Variants in DNAH12 observed in about 807,000 individuals in gnomAD.
DNAH12 encodes dynein axonemal heavy chain 12.
In DNAH12, 285 loss-of-function variants were observed where a neutral mutation model predicts 371.5. That is an observed-to-expected ratio of 0.77 (90% CI 0.70 to 0.85). The LOEUF (loss-of-function observed/expected upper bound fraction) is 0.85. Among genes scored for constraint, DNAH12 ranks in the 40% least tolerant of loss-of-function variants. DNAH12 has a pLI of 0.00. For synonymous variants in DNAH12, 1,200 were observed against 1,213.0 expected (o/e 0.99, Z 0.22); for missense variants, 3,611 against 3,689.4 (o/e 0.98, Z 0.55).
chr3:57,314,392 G>T, intron 66 of DNAH12, 102 bp downstream of exon 66: 1 of 1,366,648 alleles, frequency 7.3e-7, no homozygotes, highest in Non-Finnish European at 1.0e-6. Flanking sequence ...CTACCCACCT[G>T]TTAGTGTTGG....
At chr3:57,432,102 A>G (rs1420346698) in intron 32 of DNAH12, among the ~76,000 whole-genome samples, 2 of 150,672 alleles carry the variant, frequency 1.3e-5, no homozygotes, top group Non-Finnish European at 3.0e-5. Context: ...CTCAACCAAT[A>G]TTACTGAATG....
chr3:57,520,845 T>C (rs1275208450), intron 4 of DNAH12, among the ~76,000 whole-genome samples: 1 of 152,070 alleles, frequency 6.6e-6, no homozygotes, highest in African/African-American at 2.4e-5. Flanking sequence ...TTCGTGAATA[T>C]TTTCTCCCAG....
At chr3:57,348,639 C>T (rs2062601556) in intron 60 of DNAH12, among the ~76,000 whole-genome samples, 1 of 151,960 alleles carries the variant, frequency 6.6e-6, no homozygotes, top group African/African-American at 2.4e-5. Flanking sequence ...TGAAATTGCT[C>T]TACAAAATAA....
intron 25 of DNAH12, among the ~76,000 whole-genome samples, chr3:57,452,161 T>C (rs947183360): frequency 5.9e-5 from 9 of 152,170 alleles, no homozygotes; most frequent in African/African-American, 1.9e-4. Flanking sequence ...CCGATACAGA[T>C]ATGCTCCACT....
At chr3:57,490,651 T>C (rs910967309) in intron 11 of DNAH12, among the ~76,000 whole-genome samples, 1 of 152,122 alleles carries the variant, frequency 6.6e-6, no homozygotes, top group Non-Finnish European at 1.5e-5. Context: ...TTCCTTCATG[T>C]TACTCTCTCT....
At chr3:57,311,373 G>A (rs2061580786) in intron 66 of DNAH12, among the ~76,000 whole-genome samples, 2 of 152,116 alleles carry the variant, frequency 1.3e-5, no homozygotes, top group African/African-American at 2.4e-5. Context: ...CACTGCAGCT[G>A]GCTGATAGTA....
chr3:57,403,027 TTA>T (rs2063917372), intron 43 of DNAH12, among the ~76,000 whole-genome samples: 1 of 152,188 alleles, frequency 6.6e-6, no homozygotes, highest in Non-Finnish European at 1.5e-5. Flanking sequence ...CCTTGCTCTG[TTA>T]TGTGTCACAT....
chr3:57,322,164 A>C (rs1325852548), intron 65 of DNAH12, among the ~76,000 whole-genome samples, 179 bp downstream of exon 65: 6 of 152,270 alleles, frequency 3.9e-5, no homozygotes, highest in Non-Finnish European at 7.3e-5. Flanking sequence ...AGTGGAACAC[A>C]AACTATATTG....
rs549967659 is a variant in DNAH12 at position 57,312,097 on chromosome 3, C to T, written c.10663-1147G>A. Among the ~76,000 whole-genome samples the T allele has an allele frequency of 7.9e-5, 12 of 152,142 alleles. No individual in the cohort carries two copies. In the East Asian group the frequency reaches 2.3e-3, roughly 29 times the overall value. On this transcript the variant is annotated intron_variant, in intron 66 of 73. Transcript: ENST00000495027. ...TATAAGTTGTGGGTTGAGAGCTTTT[C>T]CTGCCCCTGAAGTTTACTTAATTAT...
intron 43 of DNAH12, among the ~76,000 whole-genome samples, chr3:57,400,151 G>C (rs1317821266): frequency 6.6e-6 from 1 of 152,182 alleles, no homozygotes; most frequent in Non-Finnish European, 1.5e-5. Context: ...AGCTAAGCAT[G>C]GTGGTGTGCA....
chr3:57,333,329 C>CTTTTTTTTTTTTTTTTTTTTT lies in DNAH12; in HGVS notation c.9978+1135_9978+1136insAAAAAAAAAAAAAAAAAAAAA, dbSNP rs34135477. On this transcript the variant is annotated intron_variant, in intron 62 of 73. Transcript: ENST00000495027. ...CGGATACATGTTCTTTTTAAGGCAA[C>CTTTTTTTTTTTTTTTTTTTTT]TTTTTTTTTTTTTTTTTTTTAGATG... Among the ~76,000 whole-genome samples the CTTTTTTTTTTTTTTTTTTTTT allele has an allele frequency of 1.8e-4, 20 of 111,078 alleles. 2 individuals are homozygous for CTTTTTTTTTTTTTTTTTTTTT. The highest frequency in any genetic ancestry group is 8.7e-4 in the African/African-American group (19 of 21,912). The allele number at this position is 111,078 out of a possible 152,430, so 72.9% of individuals were successfully genotyped here.
intron 62 of DNAH12, among the ~76,000 whole-genome samples, chr3:57,324,707 C>T (rs1208684389): frequency 6.6e-6 from 1 of 152,346 alleles, no homozygotes; most frequent in East Asian, 1.9e-4. Context: ...TAGGGAGTGC[C>T]AGACAGTGGG....
rs2063633396 is a variant in DNAH12, at chr3:57,391,980, T to C, written c.7197A>G (p.Lys2399=). ...ALFAFFVNRC[K]DNLHVVVAFS... is the part of the protein sequence containing the mutation. ...AGGCCACCACGACATGAAGATTATC[T>C]TTGCAGCGATTCACAAAGAAAGCAA... Residue 2399 remains lysine (K), a synonymous_variant, in exon 45 of 74, where the codon AAA becomes AAG. Coordinates refer to ENST00000495027, the MANE Select transcript of DNAH12 (RefSeq NM_001366028.2). The C allele has an allele frequency of 6.6e-6, 1 of 152,268 alleles. No homozygotes were observed. The highest frequency in any genetic ancestry group is 1.5e-5 in the Non-Finnish European group (1 of 68,044). The allele number at this position is 152,268 out of a possible 1,614,324, so 9.4% of individuals were successfully genotyped here.
intron 8 of DNAH12, among the ~76,000 whole-genome samples, chr3:57,505,152 G>C (rs765118487): frequency 5.3e-5 from 8 of 152,122 alleles, no homozygotes; most frequent in Non-Finnish European, 1.0e-4. Context: ...GCCTCTCACA[G>C]TGCTGGGATT....
At chr3:57,412,990 G>A (rs782392023) in intron 39 of DNAH12, among the ~76,000 whole-genome samples, 1 of 152,156 alleles carries the variant, frequency 6.6e-6, no homozygotes, top group Non-Finnish European at 1.5e-5. Context: ...ATGCACAAAT[G>A]TTTATAGCAA....
chr3:57,432,660 AAC>A (rs2064992366), intron 32 of DNAH12, among the ~76,000 whole-genome samples: 2 of 152,204 alleles, frequency 1.3e-5, no homozygotes, highest in African/African-American at 4.8e-5. Context: ...ATTTAAAAAA[AAC>A]ACTGAAGAAT....
At chr3:57,414,524 A>G (rs9882120) in intron 38 of DNAH12, among the ~76,000 whole-genome samples, 3 of 151,818 alleles carry the variant, frequency 2.0e-5, no homozygotes, top group East Asian at 1.9e-4. Context: ...CAGTTTTTCA[A>G]TCCTCACCCT....
rs934121572 is a variant in DNAH12 at position 57,414,737 on chromosome 3, G to A, written c.5853+689C>T. 4.2e-5 allele frequency among the ~76,000 whole-genome samples: 6 copies of A among 141,360 alleles called. No individual in the cohort carries two copies. The East Asian group carries it at 1.4e-3, about 33-fold the overall frequency. 92.7% of individuals were successfully genotyped at this position (141,360 alleles called of 152,430 possible). On this transcript the variant is annotated intron_variant, in intron 38 of 73. Transcript: ENST00000495027. ...TACTTTGGGAACTCACTTGTCCATT[G>A]GAAAAATAAACCAAAATTATTTTCA...
At position 57,301,713 on chromosome 3, in the gene DNAH12, CACACACA is replaced by C. The variant is rs1559534159; in HGVS notation, c.11394+15_11394+21del. 3.4e-6 allele frequency: 5 copies of C among 1,491,624 alleles called. No individual in the cohort carries two copies. The South Asian group carries it at 6.1e-5, about 18-fold the overall frequency. 92.4% of individuals were successfully genotyped at this position (1,491,624 alleles called of 1,614,324 possible). On this transcript the variant is annotated intron_variant, in intron 70 of 73. Coordinates refer to ENST00000495027, the MANE Select transcript of DNAH12 (RefSeq NM_001366028.2). ...ACACACACACACACACACACACACA[CACACACA>C]CACACACATTTTACCTGTAAAAAGT...
Sources: allele counts gnomAD v4.1 joint callset (sites outside exome capture counted in the v4.1 genomes callset), GRCh38; gene constraint gnomAD v4.1.1; transcripts MANE v1.5; gene names NCBI Gene and HGNC (gene_info 2026-07-23, HGNC 2026-07-21).